ADORA2B: variants seen among roughly 807,000 people sequenced by gnomAD.
ADORA2B encodes the protein adenosine receptor A2b.
In ADORA2B, 18 loss-of-function variants were observed where a neutral mutation model predicts 20.8. The observed-to-expected ratio is 0.87, with a 90% CI of 0.60 to 1.29. The LOEUF (loss-of-function observed/expected upper bound fraction) is 1.29. Among genes scored for constraint, ADORA2B ranks in the 50% most tolerant of loss-of-function variants. The pLI, the probability that ADORA2B is intolerant of heterozygous loss-of-function variation, is 0.00. For synonymous variants in ADORA2B, 179 were observed against 178.3 expected, an observed-to-expected ratio of 1.00 and a Z score of -0.03; for missense variants, 441 against 422.7, an observed-to-expected ratio of 1.04 and a Z score of -0.38.
the ADORA2B span, among the ~76,000 whole-genome samples, chr17:15,927,484 GA>G: frequency 3.1e-3 from 423 of 138,404 alleles, 2 homozygotes; most frequent in African/African-American, 8.2e-3. Context: ...CCTGTCTCAG[GA>G]AAAAAAAAAA....
the ADORA2B span, among the ~76,000 whole-genome samples, chr17:15,915,008 T>C: frequency 3.9e-5 from 6 of 152,202 alleles, no homozygotes; most frequent in Non-Finnish European, 7.3e-5. Context: ...TATCACAAAC[T>C]CAGTGGCTTA....
At chr17:15,864,204 GGCCTGTGCCAGTACATGTTCCATGTGT>G in the ADORA2B span, 1 of 152,928 alleles carries the variant, frequency 6.5e-6, no homozygotes, top group Non-Finnish European at 1.5e-5. Flanking sequence ...GGCAGTAGTA[GGCCTGTGCCAGTACATGTTCCATGTGT>G]GCCTGTGCTT....
At chr17:15,879,603 T>C in the ADORA2B span, among the ~76,000 whole-genome samples, 2 of 149,722 alleles carry the variant, frequency 1.3e-5, 1 homozygote, top group South Asian at 4.2e-4. Context: ...AGTGGCACGA[T>C]CTCCCCTCAC....
the ADORA2B span, among the ~76,000 whole-genome samples, chr17:15,900,703 G>A: frequency 2.6e-5 from 4 of 152,116 alleles, no homozygotes; most frequent in Admixed American, 6.6e-5. Flanking sequence ...TCCCACCTCA[G>A]CCCCTTAAAG....
intron 1 of ADORA2B, among the ~76,000 whole-genome samples, chr17:15,946,467 GTA>G (rs1567775854): frequency 6.6e-6 from 1 of 152,234 alleles, no homozygotes; most frequent in Non-Finnish European, 1.5e-5. Context: ...TTTGTTGAAA[GTA>G]TTTATTCTCT....
At chr17:15,895,324 C>T in the ADORA2B span, among the ~76,000 whole-genome samples, 1 of 152,166 alleles carries the variant, frequency 6.6e-6, no homozygotes, top group Non-Finnish European at 1.5e-5. Flanking sequence ...GTATTAAAAT[C>T]TTTAAATTAC....
At chr17:15,902,880 G>A in the ADORA2B span, among the ~76,000 whole-genome samples, 1 of 152,362 alleles carries the variant, frequency 6.6e-6, no homozygotes, top group African/African-American at 2.4e-5. Context: ...AGATTCTGGA[G>A]GGCTCACTGG....
the ADORA2B span, among the ~76,000 whole-genome samples, chr17:15,883,305 T>A: frequency 6.6e-6 from 1 of 152,226 alleles, no homozygotes; most frequent in African/African-American, 2.4e-5. Context: ...CTAAAAATAT[T>A]CTCTTTGGAG....
the ADORA2B span, among the ~76,000 whole-genome samples, chr17:15,931,153 CA>C: frequency 2.0e-5 from 3 of 152,208 alleles, no homozygotes; most frequent in Admixed American, 6.5e-5. Flanking sequence ...CCCATCTCTA[CA>C]AAAAATTTAA....
the ADORA2B span, among the ~76,000 whole-genome samples, chr17:15,865,284 C>A: frequency 2.0e-5 from 3 of 152,014 alleles, no homozygotes; most frequent in Admixed American, 1.3e-4. Flanking sequence ...GTTTAAGAGA[C>A]GGAGTCTCAT....
At position 15,975,356 on chromosome 17, in the gene ADORA2B, C is replaced by T. The variant is rs1970243769; in HGVS notation, c.*14C>T. The T allele has an allele frequency of 6.3e-7, 1 of 1,597,900 alleles. No homozygotes were observed. The highest frequency in any genetic ancestry group is 1.1e-5 in the South Asian group (1 of 89,374). ...GTGGGCCTATGATCTAGGCTCTCGC[C>T]TCTTCCAGGAGAAGATACAAATCCA... On this transcript the variant is annotated 3_prime_UTR_variant, in exon 2 of 2. Coordinates refer to ENST00000304222, the MANE Select transcript of ADORA2B (RefSeq NM_000676.4).
chr17:15,851,741 A>G, the ADORA2B span, among the ~76,000 whole-genome samples: 12,457 of 152,230 alleles, frequency 0.082, 1,433 homozygotes, highest in African/African-American at 0.25. Context: ...TCAAAGAGAC[A>G]AGGATGGAAT....
chr17:15,954,011 C>T (rs900512090), intron 1 of ADORA2B, among the ~76,000 whole-genome samples: 8 of 151,786 alleles, frequency 5.3e-5, no homozygotes, highest in African/African-American at 1.7e-4. Flanking sequence ...CAGAGTCTCG[C>T]TCTGTCGCCC....
At chr17:15,861,572 G>C in the ADORA2B span, among the ~76,000 whole-genome samples, 1 of 152,296 alleles carries the variant, frequency 6.6e-6, no homozygotes, top group Middle Eastern at 3.4e-3. Context: ...ATTTTAAGGA[G>C]GAGTCATCAG....
At chr17:15,919,163 G>T in the ADORA2B span, among the ~76,000 whole-genome samples, 1 of 152,182 alleles carries the variant, frequency 6.6e-6, no homozygotes, top group Non-Finnish European at 1.5e-5. Flanking sequence ...AACTGTGATG[G>T]GCTCCCTGCC....
chr17:15,899,793 G>A, the ADORA2B span, among the ~76,000 whole-genome samples: 1 of 151,690 alleles, frequency 6.6e-6, no homozygotes, highest in African/African-American at 2.4e-5. Context: ...TTTTATGGCT[G>A]TGTAGTATTC....
intron 1 of ADORA2B, among the ~76,000 whole-genome samples, chr17:15,954,479 G>A (rs754093856): frequency 2.0e-5 from 3 of 152,182 alleles, no homozygotes; most frequent in Non-Finnish European, 4.4e-5. Context: ...CCACACAGCC[G>A]CTAGGGCTTC....
At position 15,945,317 on chromosome 17, in the gene ADORA2B, G is replaced by T. The variant is rs771508029; in HGVS notation, c.69G>T (p.Ala23=). Residue 23 remains alanine, a synonymous_variant, in exon 1 of 2, where the codon GCG becomes GCT. Transcript: ENST00000304222. ...TGGTCATCGCCGCGCTTTCGGTGGC[G>T]GGCAACGTGCTGGTGTGCGCCGCGG... The part of the protein sequence containing the change: ...LELVIAALSV[A]GNVLVCAAVG... 1.3e-6 allele frequency: 2 copies of T among 1,585,328 alleles called. No homozygotes were observed.
chr17:15,883,733 G>C, the ADORA2B span, among the ~76,000 whole-genome samples: 1 of 152,198 alleles, frequency 6.6e-6, no homozygotes, highest in East Asian at 1.9e-4. Context: ...GGGCAATTTG[G>C]CAGAATCCGT....
Sources: gnomAD v4.1 joint callset for allele counts (sites outside exome capture counted in the v4.1 genomes callset) on GRCh38, gnomAD v4.1.1 for gene constraint, MANE v1.5 for transcripts, NCBI Gene and HGNC (gene_info 2026-07-23, HGNC 2026-07-21) for gene names.